The following SNTG2 variants were observed in gnomAD, a reference collection of about 807,000 sequenced individuals.
SNTG2 encodes gamma-2-syntrophin.
SNTG2 carries 74 observed loss-of-function variants against 70.9 expected under a neutral mutation model. That is an observed-to-expected ratio of 1.04 (90% CI 0.86 to 1.27). The LOEUF is 1.27. Ranked by LOEUF, SNTG2 falls within the 50% of genes most tolerant of loss-of-function variation. The pLI is 0.00. For missense variants in SNTG2, 717 were observed against 690.7 expected (o/e 1.04, Z -0.43); for synonymous variants, 278 against 273.8 (o/e 1.02, Z -0.15).
intron 4 of SNTG2, among the ~76,000 whole-genome samples, chr2:1,127,336 G>C (rs1419009333): frequency 6.6e-6 from 1 of 151,862 alleles, no homozygotes; most frequent in Non-Finnish European, 1.5e-5. Context: ...TTTTTTGCCT[G>C]TACCACGTTG....
intron 12 of SNTG2, among the ~76,000 whole-genome samples, chr2:1,255,895 AAT>A (rs1362050677): frequency 1.4e-4 from 9 of 63,878 alleles, no homozygotes; most frequent in South Asian, 6.7e-4. Flanking sequence ...AATATATATA[AAT>A]ATATATATAA....
At chr2:1,340,198 T>C (rs1660014840) in intron 16 of SNTG2, among the ~76,000 whole-genome samples, 1 of 152,176 alleles carries the variant, frequency 6.6e-6, no homozygotes, top group South Asian at 2.1e-4. Flanking sequence ...GTAACAAAAC[T>C]TGCAGACCTC....
rs1675206872 is a variant in SNTG2 at position 1,222,117 on chromosome 2, C to CTG, written c.719+12888_719+12889insGT. Among the ~76,000 whole-genome samples the CTG allele has an allele frequency of 5.3e-5, 2 of 37,452 alleles. 1 individual carries two copies. The highest frequency in any genetic ancestry group is 1.6e-4 in the African/African-American group (2 of 12,224). 24.6% of individuals were successfully genotyped at this position (37,452 alleles called of 152,430 possible). On this transcript the variant is annotated intron_variant, in intron 9 of 16. Coordinates refer to ENST00000308624, the MANE Select transcript of SNTG2 (RefSeq NM_018968.4). ...TCTGTCTCTCTCTGTCTCTCTCTGT[C>CTG]TCTCTCTGTCTCTCTCTGTCTCTCT... is the stretch of plus-strand genomic sequence containing the variant.
intron 6 of SNTG2, among the ~76,000 whole-genome samples, chr2:1,157,691 A>G (rs1464799046): frequency 2.6e-5 from 4 of 152,246 alleles, no homozygotes; most frequent in Admixed American, 2.6e-4. Context: ...GTCATTTTCT[A>G]TAGAGAACTA....
intron 1 of SNTG2, among the ~76,000 whole-genome samples, chr2:1,001,921 A>G (rs915859216): frequency 5.9e-5 from 9 of 152,092 alleles, no homozygotes; most frequent in Non-Finnish European, 1.2e-4. Flanking sequence ...ATAGACATGT[A>G]GATCAAGGAA....
chr2:1,169,610 G>A (rs946405915), intron 7 of SNTG2, among the ~76,000 whole-genome samples: 2 of 152,142 alleles, frequency 1.3e-5, no homozygotes, highest in Non-Finnish European at 2.9e-5. Context: ...GGCTGTCTCT[G>A]TTGAGATTCA....
At chr2:1,203,259 T>C (rs1231529073) in intron 8 of SNTG2, among the ~76,000 whole-genome samples, 1 of 152,170 alleles carries the variant, frequency 6.6e-6, no homozygotes, top group African/African-American at 2.4e-5. Context: ...TGTACACTTT[T>C]CTAACTCTTT....
intron 1 of SNTG2, among the ~76,000 whole-genome samples, chr2:1,039,494 T>C (rs1444430111): frequency 6.6e-6 from 1 of 152,214 alleles, no homozygotes; most frequent in Non-Finnish European, 1.5e-5. Context: ...TTCAACAGCA[T>C]GAAGTTCTAC....
At chr2:1,064,168 G>A (rs1663004518) in intron 1 of SNTG2, among the ~76,000 whole-genome samples, 1 of 151,006 alleles carries the variant, frequency 6.6e-6, no homozygotes, top group Non-Finnish European at 1.5e-5. Flanking sequence ...AATGAACCTA[G>A]AATTCTGTAT....
chr2:1,014,475 A>T (rs55675710), intron 1 of SNTG2, among the ~76,000 whole-genome samples: 70 of 67,342 alleles, frequency 1.0e-3, no homozygotes, highest in Middle Eastern at 0.015. Context: ...GGGATTTATA[A>T]GGACAGAGAG....
At chr2:1,115,481 C>T (rs536120116) in intron 4 of SNTG2, among the ~76,000 whole-genome samples, 3 of 151,822 alleles carry the variant, frequency 2.0e-5, no homozygotes, top group Non-Finnish European at 4.4e-5. Context: ...ATCGTGTGTA[C>T]TAAGTGAGGT....
intron 4 of SNTG2, among the ~76,000 whole-genome samples, chr2:1,130,612 C>A (rs2148311921): frequency 6.6e-6 from 1 of 152,328 alleles, no homozygotes; most frequent in South Asian, 2.1e-4. Flanking sequence ...CCCAAGAACT[C>A]CTGCAAACAT....
chr2:1,067,623 G>C (rs1371608414), intron 1 of SNTG2, among the ~76,000 whole-genome samples: 1 of 152,162 alleles, frequency 6.6e-6, no homozygotes, highest in Non-Finnish European at 1.5e-5. Flanking sequence ...AGAGCAAGGG[G>C]ACCCATGACA....
intron 1 of SNTG2, among the ~76,000 whole-genome samples, chr2:1,073,115 C>T (rs1663685628): frequency 6.6e-6 from 1 of 152,216 alleles, no homozygotes; most frequent in Non-Finnish European, 1.5e-5. Context: ...GAAATGACAA[C>T]AGAGGATCTA....
intron 1 of SNTG2, among the ~76,000 whole-genome samples, chr2:999,754 G>A (rs190801280): frequency 2.4e-3 from 364 of 151,962 alleles, no homozygotes; most frequent in South Asian, 4.4e-3. Flanking sequence ...AAAAATTAGC[G>A]GACTAAAATT....
chr2:1,209,936 G>A (rs1489534708), intron 9 of SNTG2, among the ~76,000 whole-genome samples: 1 of 152,094 alleles, frequency 6.6e-6, no homozygotes, highest in Non-Finnish European at 1.5e-5. Flanking sequence ...CTGTGTGAAT[G>A]TGTGTGGCTA....
At chr2:964,464 T>A (rs1660460684) in intron 1 of SNTG2, among the ~76,000 whole-genome samples, 1 of 152,206 alleles carries the variant, frequency 6.6e-6, no homozygotes, top group Admixed American at 6.5e-5. Flanking sequence ...AAACAAATCC[T>A]TCTCATCCAT....
At chr2:1,069,898 C>T (rs1345777224) in intron 1 of SNTG2, among the ~76,000 whole-genome samples, 1 of 152,170 alleles carries the variant, frequency 6.6e-6, no homozygotes, top group East Asian at 1.9e-4. Flanking sequence ...TGGGCCCCTT[C>T]AGCACCTCAC....
At chr2:1,175,096 C>T (rs989948439) in intron 8 of SNTG2, among the ~76,000 whole-genome samples, 1 of 152,046 alleles carries the variant, frequency 6.6e-6, no homozygotes, top group Non-Finnish European at 1.5e-5. Context: ...ATATTGTTAA[C>T]GTTTGCTTTT....
Sources: allele counts gnomAD v4.1 joint callset (sites outside exome capture counted in the v4.1 genomes callset), GRCh38; gene constraint gnomAD v4.1.1; transcripts MANE v1.5; gene names NCBI Gene and HGNC (gene_info 2026-07-23, HGNC 2026-07-21).